The following GRIN2B variants were observed in gnomAD, a reference collection of about 807,000 sequenced individuals.
GRIN2B encodes the protein glutamate receptor ionotropic, NMDA 2B.
A neutral mutation model predicts 114.5 loss-of-function variants in GRIN2B; 5 were observed. That is an observed-to-expected ratio of 0.04 (90% confidence interval 0.02 to 0.09). The LOEUF (loss-of-function observed/expected upper bound fraction) is 0.09. GRIN2B is among the 10% of genes least tolerant of loss of function. The pLI is 1.00. For synonymous variants in GRIN2B, 787 were observed against 745.1 expected (o/e 1.06, Z -0.92); for missense variants, 1,108 against 1,943.5 (o/e 0.57, Z 8.08).
At chr12:13,773,060 C>A (rs919455362) in intron 3 of GRIN2B, among the ~76,000 whole-genome samples, 5 of 152,162 alleles carry the variant, frequency 3.3e-5, no homozygotes, top group Non-Finnish European at 7.4e-5. Context: ...CAGCCCCAGA[C>A]CAATGGGGTG....
intron 4 of GRIN2B, among the ~76,000 whole-genome samples, chr12:13,740,340 C>T (rs184780626): frequency 1.6e-4 from 25 of 152,274 alleles, no homozygotes; most frequent in East Asian, 5.8e-4. Context: ...TCCGTATTCC[C>T]GGCATCCGGC....
chr12:13,671,318 G>A (rs948919926), intron 5 of GRIN2B, among the ~76,000 whole-genome samples: 1 of 152,136 alleles, frequency 6.6e-6, no homozygotes, highest in Non-Finnish European at 1.5e-5. Context: ...ACAAACTCAG[G>A]TAGTATCCAT....
chr12:13,579,684 T>C (rs918499052), intron 10 of GRIN2B, among the ~76,000 whole-genome samples: 13 of 152,156 alleles, frequency 8.5e-5, no homozygotes, highest in African/African-American at 3.1e-4. Context: ...GGTGCTGGTG[T>C]GCAGAACAGG....
chr12:13,720,337 G>A (rs1950496412), intron 4 of GRIN2B, among the ~76,000 whole-genome samples: 1 of 151,972 alleles, frequency 6.6e-6, no homozygotes, highest in African/African-American at 2.4e-5. Flanking sequence ...CTACACTGGT[G>A]CACAGGACTT....
chr12:13,731,692 C>T (rs1863088582), intron 4 of GRIN2B, among the ~76,000 whole-genome samples: 1 of 152,168 alleles, frequency 6.6e-6, no homozygotes, highest in Non-Finnish European at 1.5e-5. Context: ...GAGGACATTA[C>T]TGGATCCTAA....
At chr12:13,932,704 C>T (rs1867055667) in intron 2 of GRIN2B, among the ~76,000 whole-genome samples, 1 of 152,076 alleles carries the variant, frequency 6.6e-6, no homozygotes, top group African/African-American at 2.4e-5. Context: ...GAGAGATTTC[C>T]AGAAATGGGA....
intron 4 of GRIN2B, among the ~76,000 whole-genome samples, chr12:13,736,140 G>GGGA (rs1863178187): frequency 3.7e-5 from 1 of 26,746 alleles, no homozygotes; most frequent in Non-Finnish European, 8.8e-5. Flanking sequence ...AAAAGCGGGG[G>GGGA]GGGGGGGGGG....
At chr12:13,803,615 C>G (rs1383867189) in intron 3 of GRIN2B, among the ~76,000 whole-genome samples, 1 of 152,022 alleles carries the variant, frequency 6.6e-6, no homozygotes, top group Non-Finnish European at 1.5e-5. Flanking sequence ...TAAATCAAAC[C>G]AAAATACTCT....
In GRIN2B at chr12:13,842,924, T is replaced by C. The variant is rs796935204; in HGVS notation, c.411+22874A>G. Among the ~76,000 whole-genome samples, 222 of 74,838 alleles carry C rather than the reference T, an allele frequency of 3.0e-3. 1 individual carries two copies. The highest frequency in any genetic ancestry group is 0.014 in the African/African-American group (210 of 15,012). 49.1% of individuals were successfully genotyped at this position (74,838 alleles called of 152,430 possible). ...TTGTGAAGATTGGTTTTTCTTTTTT[T>C]TTTTTTTTTTTTTTTAGAAAATCTT... On this transcript the variant is annotated intron_variant, in intron 3 of 13. Transcript: ENST00000609686.
At chr12:13,973,206 AACAAG>A (rs1363300805) in intron 2 of GRIN2B, among the ~76,000 whole-genome samples, 1 of 152,234 alleles carries the variant, frequency 6.6e-6, no homozygotes, top group Non-Finnish European at 1.5e-5. Flanking sequence ...CTTAAAAAGA[AACAAG>A]ATCTGATTTC....
At chr12:13,647,222 G>T (rs1289084325) in intron 5 of GRIN2B, among the ~76,000 whole-genome samples, 1 of 152,068 alleles carries the variant, frequency 6.6e-6, no homozygotes, top group Non-Finnish European at 1.5e-5. Flanking sequence ...TGGGTTGATG[G>T]AAATTTATTA....
At chr12:13,916,944 G>C (rs904995548) in intron 2 of GRIN2B, among the ~76,000 whole-genome samples, 1 of 152,044 alleles carries the variant, frequency 6.6e-6, no homozygotes, top group Non-Finnish European at 1.5e-5. Context: ...TAACCTTTGA[G>C]TTGCAACTTA....
intron 3 of GRIN2B, among the ~76,000 whole-genome samples, chr12:13,861,201 C>T (rs901217435): frequency 1.3e-5 from 2 of 152,218 alleles, no homozygotes; most frequent in East Asian, 1.9e-4. Flanking sequence ...ATTCTTAGTT[C>T]AGTGTCTTAT....
intron 2 of GRIN2B, among the ~76,000 whole-genome samples, chr12:13,877,083 G>T (rs971190308): frequency 3.3e-5 from 5 of 152,150 alleles, no homozygotes; most frequent in Non-Finnish European, 5.9e-5. Context: ...GTTGGTAATT[G>T]CCTATGTATC....
intron 2 of GRIN2B, among the ~76,000 whole-genome samples, chr12:13,910,663 A>AT (rs892724005): frequency 1.3e-5 from 2 of 152,156 alleles, no homozygotes; most frequent in African/African-American, 2.4e-5. Context: ...TCCCAAGGAA[A>AT]TTTTTTGTTA....
At chr12:13,642,230 TAACTA>T (rs1224524969) in intron 5 of GRIN2B, among the ~76,000 whole-genome samples, 10 of 144,946 alleles carry the variant, frequency 6.9e-5, no homozygotes, top group Admixed American at 6.1e-4. Flanking sequence ...ACAAGCTAGC[TAACTA>T]AACTAAACTA....
chr12:13,858,729 T>C lies in GRIN2B; in HGVS notation c.411+7069A>G, dbSNP rs550514024. On this transcript the variant is annotated intron_variant, in intron 3 of 13. Coordinates refer to ENST00000609686, the MANE Select transcript of GRIN2B (RefSeq NM_000834.5). The stretch of plus-strand genomic sequence containing the variant: ...TGACTCTGATTCAAACACTATTTTA[T>C]TCCGTTATGTTTTTAGAAAATGATC... Among the ~76,000 whole-genome samples the C allele has an allele frequency of 2.1e-3, 318 of 152,332 alleles. 3 individuals carry two copies. Among genetic ancestry groups the C allele is most frequent in the South Asian group, 5.6e-3 (27 of 4,830 alleles).
chr12:13,736,649 T>G (rs917852922), intron 4 of GRIN2B, among the ~76,000 whole-genome samples: 6 of 152,148 alleles, frequency 3.9e-5, no homozygotes, highest in African/African-American at 1.4e-4. Flanking sequence ...CTATCAGTCA[T>G]TGTTCATATG....
intron 4 of GRIN2B, among the ~76,000 whole-genome samples, chr12:13,726,242 TA>T (rs959422499): frequency 1.3e-5 from 2 of 151,268 alleles, no homozygotes; most frequent in South Asian, 2.1e-4. Flanking sequence ...TTTTTTTAAT[TA>T]AAAAAAAATT....
Sources: allele counts gnomAD v4.1 joint callset (sites outside exome capture counted in the v4.1 genomes callset), GRCh38; gene constraint gnomAD v4.1.1; transcripts MANE v1.5; gene names NCBI Gene and HGNC (gene_info 2026-07-23, HGNC 2026-07-21).